The following ZNF441 variants were observed in gnomAD, a reference collection of about 807,000 sequenced individuals.
ZNF441 encodes the protein zinc finger protein 441.
ZNF441 carries 25 observed loss-of-function variants against 64.5 expected under a neutral mutation model. The ratio of observed to expected loss-of-function variants is 0.39; its 90% CI spans 0.28 to 0.54. The LOEUF (loss-of-function observed/expected upper bound fraction) is 0.54. Among genes scored for constraint, ZNF441 ranks in the 20% least tolerant of loss-of-function variants. The pLI, the probability that ZNF441 is intolerant of heterozygous loss-of-function variation, is 0.70. For synonymous variants in ZNF441, 262 were observed against 268.0 expected (o/e 0.98, Z 0.22); for missense variants, 715 against 843.3 (o/e 0.85, Z 1.88).
intron 1 of ZNF441, among the ~76,000 whole-genome samples, chr19:11,769,406 A>G (rs955162770): frequency 7.2e-5 from 11 of 152,262 alleles, no homozygotes; most frequent in East Asian, 1.9e-4. Context: ...CTTGTACCTT[A>G]AGTAGATGCT....
rs1975423514 is a variant in ZNF441 at position 11,783,794 on chromosome 19, G to C, written c.*1888G>C. 6.6e-6 allele frequency: 1 copy of C among 152,150 alleles called. No individual in the cohort carries two copies. The highest frequency in any genetic ancestry group is 1.5e-5 in the Non-Finnish European group (1 of 68,028). The allele number at this position is 152,150 out of a possible 1,614,324, so 9.4% of individuals were successfully genotyped here. On this transcript the variant is annotated 3_prime_UTR_variant, in exon 4 of 4. Coordinates refer to ENST00000357901, the MANE Select transcript of ZNF441 (RefSeq NM_152355.3). ...GAAATGAAGAGAAATTGGTGAATATGTACAAATTTCCATTTAGATCAAAGG... is the reference window on the plus strand; with the variant it reads ...GAAATGAAGAGAAATTGGTGAATATCTACAAATTTCCATTTAGATCAAAGG...
chr19:11,774,169 A>C (rs1024292378), intron 1 of ZNF441, among the ~76,000 whole-genome samples: 1 of 152,158 alleles, frequency 6.6e-6, no homozygotes, highest in Non-Finnish European at 1.5e-5. Context: ...ATAACACTAT[A>C]CCGGCTTCAG....
In ZNF441 at chr19:11,780,008, A is replaced by G. The variant is rs1172926286; in HGVS notation, c.195-11A>G. The G allele has an allele frequency of 6.3e-7, 1 of 1,582,398 alleles. No homozygotes were observed. Among genetic ancestry groups the G allele is most frequent in the African/African-American group, 1.4e-5 (1 of 73,536 alleles). ...ACAAACCTTTACTAATGTACTTCTT[A>G]TTTTTTACAGATGTCATATGGTAGA... On this transcript the variant is annotated splice_polypyrimidine_tract_variant and intron_variant, in intron 3 of 3. Transcript: ENST00000357901.
At position 11,775,620 on chromosome 19, in the gene ZNF441, C is replaced by T. The variant is rs182301655; in HGVS notation, c.4-1991C>T. ...CTGGGATTACAGGCATGAGCCACCGCGCCCAGCCTTTTTTTTTTTTTTTTT... is the reference window on the plus strand; with the variant it reads ...CTGGGATTACAGGCATGAGCCACCGTGCCCAGCCTTTTTTTTTTTTTTTTT... On this transcript the variant is annotated intron_variant, in intron 1 of 3. Coordinates refer to ENST00000357901, the MANE Select transcript of ZNF441 (RefSeq NM_152355.3). 1.6e-3 allele frequency among the ~76,000 whole-genome samples: 231 copies of T among 140,972 alleles called. 2 individuals are homozygous for T. The East Asian group carries it at 0.038, about 23-fold the overall frequency. The allele number at this position is 140,972 out of a possible 152,430, so 92.5% of individuals were successfully genotyped here. A position where few individuals can be genotyped will look rare whatever the true frequency, so the allele number is the denominator to read the frequency against.
chr19:11,779,257 C>A (rs1040091587), intron 3 of ZNF441, among the ~76,000 whole-genome samples: 1 of 149,238 alleles, frequency 6.7e-6, no homozygotes, highest in Admixed American at 6.8e-5. Context: ...AGGTCAAAGC[C>A]GCAGTAAGCC....
At position 11,783,591 on chromosome 19, in the gene ZNF441, T is replaced by TA. The variant is rs1233944631; in HGVS notation, c.*1691dup. 1 of 152,120 alleles carries TA rather than the reference T, an allele frequency of 6.6e-6. No individual in the cohort carries two copies. The highest frequency in any genetic ancestry group is 1.5e-5 in the Non-Finnish European group (1 of 68,004). The allele number at this position is 152,120 out of a possible 1,614,324, so 9.4% of individuals were successfully genotyped here. A position where few individuals can be genotyped will look rare whatever the true frequency, so the allele number is the denominator to read the frequency against. Reference sequence around the variant, plus strand: ...TACACAGTGGAATACTATTTGGCCATAAAAAAGAGTAAAATGTTATTGCTA... The same window carrying TA: ...TACACAGTGGAATACTATTTGGCCATAAAAAAAGAGTAAAATGTTATTGCTA... On this transcript the variant is annotated 3_prime_UTR_variant, in exon 4 of 4. Coordinates refer to ENST00000357901, the MANE Select transcript of ZNF441 (RefSeq NM_152355.3).
intron 1 of ZNF441, among the ~76,000 whole-genome samples, chr19:11,774,549 A>G (rs1422886891): frequency 2.0e-5 from 3 of 152,114 alleles, no homozygotes; most frequent in Non-Finnish European, 4.4e-5. Flanking sequence ...TCTGTTGAAC[A>G]TCTATAGAGA....
chr19:11,767,321 TTCCCTCGGC>T lies in ZNF441; in HGVS notation c.3+126_3+134del. On this transcript the variant is annotated intron_variant, in intron 1 of 3. Coordinates refer to ENST00000357901, the MANE Select transcript of ZNF441 (RefSeq NM_152355.3). The surrounding 1 kb of genome is among the most constrained non-coding windows in gnomAD (Gnocchi z 5.1). ...CACCCTGGCGCAGCTCGGCCCTCGG[TTCCCTCGGC>T]CGCACGATGGGGCTGGGGCGGCAGC... The T allele has an allele frequency of 6.9e-7, 1 of 1,441,334 alleles. No individual in the cohort carries two copies. 89.3% of individuals were successfully genotyped at this position (1,441,334 alleles called of 1,614,324 possible). A position where few individuals can be genotyped will look rare whatever the true frequency, so the allele number is the denominator to read the frequency against.
intron 1 of ZNF441, among the ~76,000 whole-genome samples, chr19:11,773,659 T>C (rs1975333048): frequency 6.6e-6 from 1 of 152,182 alleles, no homozygotes. Context: ...ATGTTAAGGA[T>C]TATTATGTCT....
chr19:11,779,965 A>G (rs893471578), intron 3 of ZNF441, 54 bp from the exon 4 acceptor site: 13 of 1,377,828 alleles, frequency 9.4e-6, no homozygotes, highest in Non-Finnish European at 1.1e-5. Context: ...ATACTTATTA[A>G]TACAAAATCA....
chr19:11,781,674 G>A lies in ZNF441; in HGVS notation c.1850G>A (p.Cys617Tyr). 6.2e-7 allele frequency: 1 copy of A among 1,614,134 alleles called. No individual in the cohort carries two copies. The highest frequency in any genetic ancestry group is 1.1e-5 in the South Asian group (1 of 91,084). ...CACACTGGAGAGAAACCCTATGAAT[G>A]CAAGGAATGTGGTAAAGCCTTCAGT... ...RTHTGEKPYECKECGKAFSHS... is the reference protein window; with the variant it reads ...RTHTGEKPYEYKECGKAFSHS... The change falls in exon 4 of 4, where the codon TGC becomes TAC. Residue 617 changes from cysteine to tyrosine, a missense_variant. Coordinates refer to ENST00000357901, the MANE Select transcript of ZNF441 (RefSeq NM_152355.3).
intron 1 of ZNF441, among the ~76,000 whole-genome samples, chr19:11,776,099 T>G (rs1226547885): frequency 6.6e-6 from 1 of 152,196 alleles, no homozygotes; most frequent in Non-Finnish European, 1.5e-5. Flanking sequence ...TTAGGCTCCA[T>G]CATTGATTAA....
At chr19:11,771,424 C>T (rs988307473) in intron 1 of ZNF441, among the ~76,000 whole-genome samples, 3 of 152,104 alleles carry the variant, frequency 2.0e-5, no homozygotes, top group Non-Finnish European at 2.9e-5. Context: ...GCCACCCAGG[C>T]GCCGAGGCAA....
At chr19:11,778,825 T>G (rs1398852117) in intron 3 of ZNF441, among the ~76,000 whole-genome samples, 1 of 152,216 alleles carries the variant, frequency 6.6e-6, no homozygotes, top group Non-Finnish European at 1.5e-5. Context: ...TTAGAAAATT[T>G]TCTTCAAAAA....
chr19:11,781,452 C>G lies in ZNF441; in HGVS notation c.1628C>G (p.Ser543Cys). Residue 543 changes from serine (S) to cysteine (C), a missense_variant, in exon 4 of 4, where the codon TCC becomes TGC. Physicochemically the swap from Ser to Cys is moderately radical, Grantham distance 112. This residue lies in a region of ZNF441 where 316 missense variants were observed against 429.3 expected (regional missense o/e 0.74). Transcript: ENST00000357901. ...CKLCGKGFRS[S>C]SYIQLHERTH... ...CTATGTGGGAAAGGCTTCAGGTCTT[C>G]CAGTTACATTCAACTACATGAAAGG... 2 of 1,613,796 alleles carry G rather than the reference C, an allele frequency of 1.2e-6. No homozygotes were observed. The highest frequency in any genetic ancestry group is 1.7e-6 in the Non-Finnish European group (2 of 1,179,930).
intron 1 of ZNF441, among the ~76,000 whole-genome samples, chr19:11,774,891 T>C (rs1187413429): frequency 6.6e-6 from 1 of 152,264 alleles, no homozygotes; most frequent in East Asian, 1.9e-4. Context: ...GGAAATCAGA[T>C]TCCCTTCACT....
In ZNF441 at chr19:11,783,720, C is replaced by G. The variant is rs286219; in HGVS notation, c.*1814C>G. On this transcript the variant is annotated 3_prime_UTR_variant, in exon 4 of 4. Coordinates refer to ENST00000357901, the MANE Select transcript of ZNF441 (RefSeq NM_152355.3). ...CTTATATGTGGGAGGTGAAAAACTT[C>G]ACCTCATGGAGATAGGGAATAGAAT... 0.38 allele frequency: 58,096 copies of G among 151,890 alleles called. 11,559 individuals are homozygous for G. Among genetic ancestry groups the G allele is most frequent in the African/African-American group, 0.47 (19,416 of 41,408 alleles). The allele number at this position is 151,890 out of a possible 1,614,324, so 9.4% of individuals were successfully genotyped here. A position where few individuals can be genotyped will look rare whatever the true frequency, so the allele number is the denominator to read the frequency against.
chr19:11,767,108 G>T lies in ZNF441; in HGVS notation c.-86G>T. 6.5e-7 allele frequency: 1 copy of T among 1,548,634 alleles called. No individual in the cohort carries two copies. The highest frequency in any genetic ancestry group is 2.0e-5 in the Admixed American group (1 of 50,962). On this transcript the variant is annotated 5_prime_UTR_variant, in exon 1 of 4. Coordinates refer to ENST00000357901, the MANE Select transcript of ZNF441 (RefSeq NM_152355.3). This position sits in a 1 kb window ranked among gnomAD's most constrained non-coding sequence, Gnocchi z 5.1. ...GGTTCTGTCACTGAGAGACGCCCTG[G>T]AACGTCTGTGGCAGCTTCTGTCTCG...
At position 11,780,398 on chromosome 19, in the gene ZNF441, G is replaced by T; in HGVS notation, c.574G>T (p.Gly192Ter). The change falls in exon 4 of 4, where the codon GGA becomes TGA. Residue 192 changes from glycine to a stop codon, truncating the protein, a stop_gained. Transcript: ENST00000357901. LOFTEE classifies it high-confidence loss of function. The part of the protein sequence containing the change: ...NLQRHMAAHH[G>*]DGPRICKLCG... ...TCAAAGACACATGGCAGCACACCAT[G>T]GAGATGGACCTCGTATATGTAAGTT... 6.2e-7 allele frequency: 1 copy of T among 1,614,202 alleles called. No individual in the cohort carries two copies. The highest frequency in any genetic ancestry group is 8.5e-7 in the Non-Finnish European group (1 of 1,180,040).
Sources: gnomAD v4.1 joint callset for allele counts (sites outside exome capture counted in the v4.1 genomes callset) on GRCh38, gnomAD v4.1.1 for gene constraint, gnomAD v4.1.1 regional missense constraint, Gnocchi (gnomAD v3.1) non-coding constraint, MANE v1.5 for transcripts, NCBI Gene and HGNC (gene_info 2026-07-23, HGNC 2026-07-21) for gene names.